CDKAL1: variants seen among roughly 807,000 people sequenced by gnomAD.
CDKAL1 encodes the protein threonylcarbamoyladenosine tRNA methylthiotransferase.
CDKAL1 carries 32 observed loss-of-function variants against 68.2 expected under a neutral mutation model. The observed-to-expected ratio is 0.47, with a 90% CI of 0.35 to 0.63. The LOEUF is 0.63. CDKAL1 is among the 30% of genes least tolerant of loss of function. The pLI is 0.00. For synonymous variants in CDKAL1, 234 were observed against 244.3 expected (o/e 0.96, Z 0.39); for missense variants, 606 against 696.7 (o/e 0.87, Z 1.47).
At chr6:20,978,268 C>G (rs1194254131) in intron 10 of CDKAL1, among the ~76,000 whole-genome samples, 1 of 152,164 alleles carries the variant, frequency 6.6e-6, no homozygotes, top group Non-Finnish European at 1.5e-5. Context: ...ATGAGTAGCT[C>G]TTCAGATCCT....
intron 13 of CDKAL1, among the ~76,000 whole-genome samples, chr6:21,132,933 A>G (rs1562058243): frequency 6.6e-6 from 1 of 152,138 alleles, no homozygotes; most frequent in Admixed American, 6.6e-5. Context: ...CTAGGCACAC[A>G]TGATCCAGTT....
chr6:21,019,226 G>A (rs1768501427), intron 11 of CDKAL1, among the ~76,000 whole-genome samples: 1 of 152,218 alleles, frequency 6.6e-6, no homozygotes, highest in South Asian at 2.1e-4. Context: ...TGGGATTATA[G>A]GCGTGAGCCA....
intron 13 of CDKAL1, among the ~76,000 whole-genome samples, chr6:21,176,357 G>A (rs183744362): frequency 6.6e-6 from 1 of 152,344 alleles, no homozygotes; most frequent in South Asian, 2.1e-4. Context: ...TTAATTTGGT[G>A]TTACTGTTGC....
At chr6:21,052,499 C>A (rs1231840476) in intron 11 of CDKAL1, among the ~76,000 whole-genome samples, 1 of 151,862 alleles carries the variant, frequency 6.6e-6, no homozygotes, top group African/African-American at 2.4e-5. Flanking sequence ...TAGACACACA[C>A]CACCACACCT....
intron 4 of CDKAL1, among the ~76,000 whole-genome samples, chr6:20,570,476 C>A (rs1365404922): frequency 6.6e-6 from 1 of 152,082 alleles, no homozygotes; most frequent in East Asian, 1.9e-4. Flanking sequence ...TCTCAGCTCA[C>A]TGCAACCCCC....
chr6:20,557,183 T>C (rs1388818068), intron 4 of CDKAL1, among the ~76,000 whole-genome samples: 5 of 152,036 alleles, frequency 3.3e-5, no homozygotes, highest in Non-Finnish European at 5.9e-5. Flanking sequence ...CAGTGAAGTG[T>C]TTAGTTATAT....
chr6:20,872,514 T>C (rs751610091), intron 9 of CDKAL1, among the ~76,000 whole-genome samples: 2 of 152,200 alleles, frequency 1.3e-5, no homozygotes, highest in Non-Finnish European at 2.9e-5. Context: ...GAAAAAGACA[T>C]TCCCATTCTA....
intron 13 of CDKAL1, among the ~76,000 whole-genome samples, chr6:21,156,625 G>A (rs1038448480): frequency 6.6e-6 from 1 of 151,984 alleles, no homozygotes; most frequent in African/African-American, 2.4e-5. Context: ...GTGGAGTGAT[G>A]GGACAAATTT....
At chr6:21,046,803 C>T (rs904138648) in intron 11 of CDKAL1, among the ~76,000 whole-genome samples, 2 of 152,192 alleles carry the variant, frequency 1.3e-5, no homozygotes, top group Non-Finnish European at 2.9e-5. Flanking sequence ...AGAACCTTGT[C>T]GAGAACATAT....
chr6:20,872,118 A>T (rs1407192480), intron 9 of CDKAL1, among the ~76,000 whole-genome samples: 1 of 152,198 alleles, frequency 6.6e-6, no homozygotes, highest in Non-Finnish European at 1.5e-5. Flanking sequence ...CACACAAAAA[A>T]TATCATGTTT....
In CDKAL1 at chr6:20,716,304, G is replaced by A. The variant is rs545117317; in HGVS notation, c.372-23215G>A. 3.3e-5 allele frequency among the ~76,000 whole-genome samples: 5 copies of A among 152,268 alleles called. No homozygotes were observed. In the South Asian group the frequency reaches 1.0e-3, roughly 32 times the overall value. On this transcript the variant is annotated intron_variant, in intron 5 of 15. Transcript: ENST00000274695. ...AAATGGGGCCTATTTTATATAATATGGTCAGGGAAACCATTTGAAAGAGGT... is the reference window on the plus strand; with the variant it reads ...AAATGGGGCCTATTTTATATAATATAGTCAGGGAAACCATTTGAAAGAGGT...
chr6:20,986,002 A>G (rs1277947598), intron 10 of CDKAL1, among the ~76,000 whole-genome samples: 2 of 151,988 alleles, frequency 1.3e-5, no homozygotes, highest in Non-Finnish European at 1.5e-5. Context: ...CATTGTTCTA[A>G]TGGTAATAAC....
At chr6:20,608,477 A>G (rs901391919) in intron 4 of CDKAL1, among the ~76,000 whole-genome samples, 10 of 152,232 alleles carry the variant, frequency 6.6e-5, no homozygotes, top group Non-Finnish European at 1.5e-5. Context: ...CCAGTGTTAT[A>G]TCCTTGACGA....
intron 13 of CDKAL1, among the ~76,000 whole-genome samples, chr6:21,120,059 C>A (rs9356765): frequency 0.021 from 3,123 of 152,126 alleles, 108 homozygotes; most frequent in African/African-American, 0.071. Context: ...TTGCTCTCAC[C>A]TCTTGCTACC....
intron 5 of CDKAL1, among the ~76,000 whole-genome samples, chr6:20,694,048 G>GTGTGTGTGTA (rs1429261107): frequency 1.2e-5 from 1 of 85,054 alleles, no homozygotes; most frequent in African/African-American, 5.3e-5. Context: ...AACTTTGTGT[G>GTGTGTGTGTA]TGTGTGTGTG....
At chr6:21,108,150 T>G (rs1190152142) in intron 12 of CDKAL1, among the ~76,000 whole-genome samples, 1 of 152,174 alleles carries the variant, frequency 6.6e-6, no homozygotes, top group Non-Finnish European at 1.5e-5. Flanking sequence ...TGATTAGTGT[T>G]TTAGTTATGA....
In CDKAL1 at chr6:21,179,746, AAAAG is replaced by A. The variant is rs796642624; in HGVS notation, c.1300-18273_1300-18270del. 2.9e-4 allele frequency among the ~76,000 whole-genome samples: 44 copies of A among 152,352 alleles called. 1 individual carries two copies. Among genetic ancestry groups the A allele is most frequent in the African/African-American group, 1.1e-3 (44 of 41,592 alleles). On this transcript the variant is annotated intron_variant, in intron 13 of 15. Transcript: ENST00000274695. ...ATTTTAAAATGTTAAGCAAAACAAA[AAAAG>A]AGGCTGGTCCTGGTGGCTCACACTT...
At chr6:21,155,824 G>A (rs1043946581) in intron 13 of CDKAL1, among the ~76,000 whole-genome samples, 1 of 152,134 alleles carries the variant, frequency 6.6e-6, no homozygotes, top group East Asian at 1.9e-4. Flanking sequence ...ATGTGCTCCA[G>A]AATATATTAT....
At chr6:21,057,194 T>C (rs1770882465) in intron 11 of CDKAL1, among the ~76,000 whole-genome samples, 1 of 152,204 alleles carries the variant, frequency 6.6e-6, no homozygotes, top group African/African-American at 2.4e-5. Context: ...TGCCTCAATT[T>C]CAGAACTCAT....
Sources: gnomAD v4.1 joint callset for allele counts (sites outside exome capture counted in the v4.1 genomes callset) on GRCh38, gnomAD v4.1.1 for gene constraint, MANE v1.5 for transcripts, NCBI Gene and HGNC (gene_info 2026-07-23, HGNC 2026-07-21) for gene names.